SGO1: variants seen among roughly 807,000 people sequenced by gnomAD.
SGO1 encodes shugoshin 1.
A neutral mutation model predicts 50.5 loss-of-function variants in SGO1; 39 were observed. The observed-to-expected ratio is 0.77, with a 90% confidence interval of 0.60 to 1.01. SGO1 has a LOEUF of 1.01. Among genes scored for constraint, SGO1 ranks in the 50% least tolerant of loss-of-function variants. SGO1 has a pLI of 0.00. For synonymous variants in SGO1, 191 were observed against 205.1 expected (o/e 0.93, Z 0.59); for missense variants, 638 against 606.0 (o/e 1.05, Z -0.55).
intron 6 of SGO1, 118 bp downstream of exon 6, chr3:20,174,131 C>G (rs1447478820): frequency 3.7e-6 from 3 of 805,066 alleles, no homozygotes; most frequent in Non-Finnish European, 6.0e-6. Context: ...CAAAGAGAGA[C>G]AGATGGTAAG....
In SGO1 at chr3:20,180,967, CA is replaced by C. The variant is rs749552898; in HGVS notation, c.340-2621del. Reference sequence around the variant, plus strand: ...CATGGCAAGATCCTGTCTCTACCCCCAACAAAAAAATTAGACAGGTGTGGCA... The same window carrying C: ...CATGGCAAGATCCTGTCTCTACCCCCACAAAAAAATTAGACAGGTGTGGCA... On this transcript the variant is annotated intron_variant, in intron 3 of 7. Coordinates refer to ENST00000412997, the MANE Select transcript of SGO1 (RefSeq NM_001199251.3). Among the ~76,000 whole-genome samples, 11 of 152,184 alleles carry C rather than the reference CA, an allele frequency of 7.2e-5. No individual in the cohort carries two copies. In the East Asian group the frequency reaches 2.1e-3, roughly 29 times the overall value.
chr3:20,174,588 C>T lies in SGO1; in HGVS notation c.943G>A (p.Glu315Lys), dbSNP rs758394956. The T allele has an allele frequency of 1.6e-5, 25 of 1,599,620 alleles. No homozygotes were observed. In the Admixed American group the frequency reaches 2.1e-4, roughly 14 times the overall value. Residue 315 changes from glutamate (E) to lysine (K), a missense_variant, in exon 6 of 8, where the codon GAA becomes AAA. Transcript: ENST00000412997. The part of the protein sequence containing the change: ...RMSKYKENKS[E>K]NKKTVPQKKM... ...TTTTGGGGAACAGTTTTTTTATTTT[C>T]GCTTTTATTCTCTTTATATTTTGAC...
chr3:20,167,316 G>C (rs1366547340), downstream of SGO1, among the ~76,000 whole-genome samples: 1 of 152,050 alleles, frequency 6.6e-6, no homozygotes, highest in Non-Finnish European at 1.5e-5. Context: ...ACAAATTATA[G>C]ACAAAATCTT....
At chr3:20,168,638 G>T (rs868237802), downstream of SGO1, among the ~76,000 whole-genome samples, 3 of 149,990 alleles carry the variant, frequency 2.0e-5, no homozygotes, top group Middle Eastern at 3.4e-3. Flanking sequence ...CATGGACTGA[G>T]AAACTGTTTT....
At chr3:20,164,678 C>T (rs1324033945), downstream of SGO1, among the ~76,000 whole-genome samples, 1 of 151,792 alleles carries the variant, frequency 6.6e-6, no homozygotes, top group Non-Finnish European at 1.5e-5. Context: ...AAAAAAAAAT[C>T]CTAATGGAAC....
intron 8 of SGO1, among the ~76,000 whole-genome samples, chr3:20,164,145 A>C (rs1006512267): frequency 4.6e-5 from 7 of 152,200 alleles, no homozygotes; most frequent in African/African-American, 1.7e-4. Flanking sequence ...AGAAAACTAT[A>C]GACCAATAAC....
rs1473952246 is a variant in SGO1, at chr3:20,174,721, T to G, written c.810A>C (p.Glu270Asp). Residue 270 changes from glutamate (E) to aspartate (D), a missense_variant, in exon 6 of 8, where the codon GAA becomes GAC. Coordinates refer to ENST00000412997, the MANE Select transcript of SGO1 (RefSeq NM_001199251.3). ...IQPGTFTKTK[E>D]DILESKSEQT... is the part of the protein sequence containing the mutation. ...GTTCAGATTTAGATTCTAAAATGTC[T>G]TCTTTTGTTTTAGTAAACGTTCCTG... is the stretch of plus-strand genomic sequence containing the variant. 6.2e-7 allele frequency: 1 copy of G among 1,613,870 alleles called. No individual in the cohort carries two copies. The highest frequency in any genetic ancestry group is 8.5e-7 in the Non-Finnish European group (1 of 1,180,020).
chr3:20,183,700 GGAT>G lies in SGO1; in HGVS notation c.244_246del (p.Ile82del). The G allele has an allele frequency of 6.2e-7, 1 of 1,613,214 alleles. No homozygotes were observed. Among genetic ancestry groups the G allele is most frequent in the Non-Finnish European group, 8.5e-7 (1 of 1,179,764 alleles). ...TAGTAACATTCTTTTCTCAGCTGTA[GGAT>G]GATATCTTGGGCTTCTTTCACTTTG... On this transcript the variant is annotated inframe_deletion, in exon 3 of 8. Coordinates refer to ENST00000412997, the MANE Select transcript of SGO1 (RefSeq NM_001199251.3).
chr3:20,163,485 T>C (rs1176999469), intron 8 of SGO1, among the ~76,000 whole-genome samples: 1 of 152,192 alleles, frequency 6.6e-6, no homozygotes, highest in Non-Finnish European at 1.5e-5. Context: ...GATATTAACA[T>C]CACACGTAGG....
intron 8 of SGO1, among the ~76,000 whole-genome samples, chr3:20,162,950 A>C (rs1344631976): frequency 6.6e-6 from 1 of 152,096 alleles, no homozygotes; most frequent in African/African-American, 2.4e-5. Flanking sequence ...CTTTAGACTA[A>C]ATGACAACAT....
At chr3:20,179,749 C>A (rs11713727) in intron 3 of SGO1, among the ~76,000 whole-genome samples, 40,049 of 151,848 alleles carry the variant, frequency 0.26, 5,250 homozygotes, top group African/African-American at 0.27. Context: ...CTGACATTTA[C>A]AGGTAGAATG....
At chr3:20,164,749 T>C (rs1032829695), downstream of SGO1, among the ~76,000 whole-genome samples, 18 of 152,038 alleles carry the variant, frequency 1.2e-4, no homozygotes, top group Admixed American at 2.6e-4. Context: ...TGAAAATCAA[T>C]TGTATTCCAT....
chr3:20,186,413 T>C (rs1309546935), upstream of SGO1: 1 of 152,328 alleles, frequency 6.6e-6, no homozygotes, highest in Admixed American at 6.5e-5. Flanking sequence ...GACTTTCTAA[T>C]CAGAGTCGTG....
chr3:20,183,640 G>A lies in SGO1; in HGVS notation c.307C>T (p.Leu103Phe). 6.3e-7 allele frequency: 1 copy of A among 1,599,422 alleles called. No individual in the cohort carries two copies. Among genetic ancestry groups the A allele is most frequent in the Non-Finnish European group, 8.5e-7 (1 of 1,176,262 alleles). Residue 103 changes from leucine to phenylalanine, a missense_variant, in exon 3 of 8, where the codon CTT becomes TTT. Transcript: ENST00000412997. ...TCQLYALKGK[L>F]TSQQTVEPAQ... ...GGTTCTACTGTTTGTTGTGATGTAAGTTTTCCTTTCAATGCATATAGCTGA... is the reference window on the plus strand; with the variant it reads ...GGTTCTACTGTTTGTTGTGATGTAAATTTTCCTTTCAATGCATATAGCTGA...
chr3:20,168,955 T>C, downstream of SGO1: 1 of 985,258 alleles, frequency 1.0e-6, no homozygotes. Context: ...GACTTTTTAA[T>C]GGTCTGTAGT....
At position 20,185,976 on chromosome 3, in the gene SGO1, G is replaced by A. The variant is rs572575828; in HGVS notation, c.-36C>T. The A allele has an allele frequency of 3.3e-5, 5 of 152,410 alleles. No individual in the cohort carries two copies. The East Asian group carries it at 9.6e-4, about 29-fold the overall frequency. 9.4% of individuals were successfully genotyped at this position (152,410 alleles called of 1,614,324 possible). On this transcript the variant is annotated 5_prime_UTR_variant, in exon 1 of 8. Transcript: ENST00000412997. ...AAAACCTACTTCTTCCTCTTTCAGG[G>A]ACTCCAGGAAGGCCGGGGGGAGGTG...
intron 6 of SGO1, among the ~76,000 whole-genome samples, chr3:20,172,751 A>AC (rs908444151): frequency 1.4e-4 from 21 of 146,714 alleles, no homozygotes; most frequent in African/African-American, 5.3e-4. Context: ...GGAATTTGAG[A>AC]CCACCCTGGC....
chr3:20,176,734 T>C (rs1701435098), intron 4 of SGO1, 75 bp from the exon 5 acceptor site: 1 of 1,008,904 alleles, frequency 9.9e-7, no homozygotes, highest in Non-Finnish European at 1.5e-6. Context: ...TCCTAAATTA[T>C]AATTTTTCTT....
In SGO1 at chr3:20,174,956, C is replaced by A. The variant is rs200607145; in HGVS notation, c.575G>T (p.Arg192Leu). 6.2e-7 allele frequency: 1 copy of A among 1,613,892 alleles called. No individual in the cohort carries two copies. Among genetic ancestry groups the A allele is most frequent in the Non-Finnish European group, 8.5e-7 (1 of 1,179,906 alleles). ...DNVLPRTVSV[R>L]SSLKKHCNSI... ...GTTACAATGTTTCTTTAAACTGCTA[C>A]GAACAGATACAGTTCTAGGTAAGAC... Residue 192 changes from arginine to leucine, a missense_variant, in exon 6 of 8, where the codon CGT becomes CTT. Coordinates refer to ENST00000412997, the MANE Select transcript of SGO1 (RefSeq NM_001199251.3).
Sources: allele counts gnomAD v4.1 joint callset (sites outside exome capture counted in the v4.1 genomes callset), GRCh38; gene constraint gnomAD v4.1.1; transcripts MANE v1.5; gene names NCBI Gene and HGNC (gene_info 2026-07-23, HGNC 2026-07-21).